The following CARMIL1 variants were observed in gnomAD, a reference collection of about 807,000 sequenced individuals.
CARMIL1 encodes F-actin-uncapping protein LRRC16A.
Under a neutral mutation model 177.1 loss-of-function variants are expected in CARMIL1, and 90 were observed. The observed-to-expected ratio is 0.51, with a 90% CI of 0.43 to 0.61. CARMIL1 has a LOEUF of 0.61. Ranked by LOEUF, CARMIL1 falls within the 20% of genes least tolerant of loss-of-function variation. The pLI is 0.00. For synonymous variants in CARMIL1, 577 were observed against 606.2 expected, an observed-to-expected ratio of 0.95 and a Z score of 0.71; for missense variants, 1,380 against 1,667.0, an observed-to-expected ratio of 0.83 and a Z score of 3.00.
At position 25,554,198 on chromosome 6, in the gene CARMIL1, A is replaced by T; in HGVS notation, c.2592+102A>T. 1.2e-6 allele frequency: 1 copy of T among 818,994 alleles called. No homozygotes were observed. Among genetic ancestry groups the T allele is most frequent in the South Asian group, 1.5e-5 (1 of 67,256 alleles). 50.7% of individuals were successfully genotyped at this position (818,994 alleles called of 1,614,324 possible). ...ATGTGATTTCTTTTCTGTATTTCAC[A>T]CTATTACAGCTTTATGGTTTGTGAT... On this transcript the variant is annotated intron_variant, in intron 28 of 36. Coordinates refer to ENST00000329474, the MANE Select transcript of CARMIL1 (RefSeq NM_017640.6). This position sits in a 1 kb window ranked among gnomAD's most constrained non-coding sequence, Gnocchi z 4.6.
intron 5 of CARMIL1, among the ~76,000 whole-genome samples, chr6:25,437,918 C>T (rs952857466): frequency 1.3e-5 from 2 of 152,168 alleles, no homozygotes; most frequent in Non-Finnish European, 2.9e-5. Flanking sequence ...GCTTCTAGTT[C>T]TTCTCTTGCA....
chr6:25,408,263 G>A (rs1416799794), intron 2 of CARMIL1, among the ~76,000 whole-genome samples: 3 of 149,592 alleles, frequency 2.0e-5, no homozygotes, highest in East Asian at 3.9e-4. Flanking sequence ...ACTCCAGCCC[G>A]GGTGACAGTA....
intron 2 of CARMIL1, among the ~76,000 whole-genome samples, chr6:25,392,038 ATGTGTGTGTATATGCATGTGTGTGTGTG>A (rs1487365489): frequency 1.9e-4 from 20 of 106,844 alleles, no homozygotes; most frequent in African/African-American, 6.3e-4. Context: ...GTGTGTATGC[ATGTGTGTGTATATGCATGTGTGTGTGTG>A]TGTGTGTGTG....
intron 26 of CARMIL1, among the ~76,000 whole-genome samples, chr6:25,540,332 T>A (rs890761919): frequency 6.6e-6 from 1 of 152,242 alleles, no homozygotes; most frequent in African/African-American, 2.4e-5. Context: ...AATGATTGAT[T>A]TCTATTTAGG....
chr6:25,581,226 T>A lies in CARMIL1; in HGVS notation c.2810-17T>A. 6.2e-7 allele frequency: 1 copy of A among 1,605,094 alleles called. No individual in the cohort carries two copies. The highest frequency in any genetic ancestry group is 8.5e-7 in the Non-Finnish European group (1 of 1,177,604). On this transcript the variant is annotated splice_polypyrimidine_tract_variant and intron_variant, in intron 30 of 36. Transcript: ENST00000329474. ...TGGCCTTGGGCTGTTTTTTTGTTTT[T>A]TTGTTTTTAATTTTAGAAATGGAGT...
intron 3 of CARMIL1, among the ~76,000 whole-genome samples, chr6:25,421,346 A>C (rs1795833409): frequency 6.6e-6 from 1 of 152,108 alleles, no homozygotes; most frequent in Admixed American, 6.6e-5. Flanking sequence ...ACCAGTTAGA[A>C]TGGCAATCAT....
At chr6:25,511,139 T>G (rs1805417999) in intron 20 of CARMIL1, among the ~76,000 whole-genome samples, 1 of 152,192 alleles carries the variant, frequency 6.6e-6, no homozygotes, top group Non-Finnish European at 1.5e-5. Flanking sequence ...AGAAATATCA[T>G]ATTGCTAATT....
intron 20 of CARMIL1, among the ~76,000 whole-genome samples, chr6:25,514,860 G>A (rs571663569): frequency 1.3e-5 from 2 of 151,966 alleles, no homozygotes; most frequent in African/African-American, 4.8e-5. Context: ...AGAGGTCAAG[G>A]CTGCAGTGAG....
At position 25,488,469 on chromosome 6, in the gene CARMIL1, C is replaced by T; in HGVS notation, c.962-13C>T. ...GGAGTGCAAACTGAGCCTGGATTTT[C>T]TTGATGTTGCAGGGGTGAACAGCCT... On this transcript the variant is annotated splice_polypyrimidine_tract_variant and intron_variant, in intron 12 of 36. Transcript: ENST00000329474. The T allele has an allele frequency of 6.2e-7, 1 of 1,607,286 alleles. No individual in the cohort carries two copies. Among genetic ancestry groups the T allele is most frequent in the South Asian group, 1.1e-5 (1 of 90,920 alleles).
intron 2 of CARMIL1, among the ~76,000 whole-genome samples, chr6:25,314,331 G>C (rs1784091415): frequency 6.8e-6 from 1 of 146,322 alleles, no homozygotes; most frequent in Non-Finnish European, 1.5e-5. Context: ...AAATTAGCTG[G>C]GTGTGGTGGC....
chr6:25,290,165 A>G (rs1158657305), intron 2 of CARMIL1, among the ~76,000 whole-genome samples: 4 of 152,016 alleles, frequency 2.6e-5, no homozygotes, highest in Admixed American at 1.3e-4. Flanking sequence ...ACATGAACAC[A>G]GCTCCCTGCA....
chr6:25,394,319 GAAGACAAGTGCTA>G (rs1238807700), intron 2 of CARMIL1, among the ~76,000 whole-genome samples: 1 of 152,204 alleles, frequency 6.6e-6, no homozygotes, highest in African/African-American at 2.4e-5. Flanking sequence ...AACAACGCTA[GAAGACAAGTGCTA>G]AAGTGCTAAA....
At chr6:25,423,321 C>A (rs1404620469) in intron 3 of CARMIL1, among the ~76,000 whole-genome samples, 1 of 152,076 alleles carries the variant, frequency 6.6e-6, no homozygotes. Flanking sequence ...GCAGTCACAC[C>A]CAGATAAAGA....
At chr6:25,526,713 T>C (rs1807179983) in intron 23 of CARMIL1, among the ~76,000 whole-genome samples, 1 of 151,992 alleles carries the variant, frequency 6.6e-6, no homozygotes. Context: ...CCATAATGCC[T>C]GGCTAATTTT....
intron 11 of CARMIL1, among the ~76,000 whole-genome samples, chr6:25,476,971 C>T (rs1446452163): frequency 1.3e-5 from 2 of 151,706 alleles, no homozygotes; most frequent in Non-Finnish European, 2.9e-5. Context: ...TGCCTGTAAT[C>T]CCAGCTACTC....
intron 3 of CARMIL1, among the ~76,000 whole-genome samples, chr6:25,425,537 G>A (rs1202342243): frequency 6.6e-6 from 1 of 152,010 alleles, no homozygotes; most frequent in Non-Finnish European, 1.5e-5. Flanking sequence ...GGTTTAATGT[G>A]GGAGGGTAAA....
intron 29 of CARMIL1, among the ~76,000 whole-genome samples, chr6:25,567,819 C>T (rs1811688023): frequency 6.6e-6 from 1 of 152,162 alleles, no homozygotes; most frequent in Admixed American, 6.5e-5. Flanking sequence ...TCTAATTGTA[C>T]TGTTATAGTT....
At chr6:25,478,232 A>T (rs1216513727) in intron 11 of CARMIL1, among the ~76,000 whole-genome samples, 1 of 151,940 alleles carries the variant, frequency 6.6e-6, no homozygotes, top group African/African-American at 2.4e-5. Context: ...AGACTTATAG[A>T]TTCTAGGATT....
intron 2 of CARMIL1, among the ~76,000 whole-genome samples, chr6:25,392,254 A>G (rs184876539): frequency 3.3e-5 from 5 of 152,164 alleles, no homozygotes; most frequent in Non-Finnish European, 7.3e-5. Flanking sequence ...TTAACCTTGT[A>G]TGTATGTATA....
Sources: gnomAD v4.1 joint callset for allele counts (sites outside exome capture counted in the v4.1 genomes callset) on GRCh38, gnomAD v4.1.1 for gene constraint, Gnocchi (gnomAD v3.1) non-coding constraint, MANE v1.5 for transcripts, NCBI Gene and HGNC (gene_info 2026-07-23, HGNC 2026-07-21) for gene names.